SDK1: variants seen among roughly 807,000 people sequenced by gnomAD.
SDK1 encodes sidekick cell adhesion molecule 1, also known as protein sidekick-1.
A neutral mutation model predicts 245.5 loss-of-function variants in SDK1; 157 were observed. The observed-to-expected ratio is 0.64, with a 90% CI of 0.56 to 0.73. The LOEUF (loss-of-function observed/expected upper bound fraction) is 0.73. SDK1 is among the 30% of genes least tolerant of loss of function. SDK1 has a pLI of 0.00. For missense variants in SDK1, 3,583 were observed against 3,002.3 expected, an observed-to-expected ratio of 1.19 and a Z score of -4.52; for synonymous variants, 1,647 against 1,278.5, an observed-to-expected ratio of 1.29 and a Z score of -6.15.
chr7:4,174,643 A>G (rs1782070489), intron 33 of SDK1, among the ~76,000 whole-genome samples: 1 of 152,132 alleles, frequency 6.6e-6, no homozygotes, highest in South Asian at 2.1e-4. Context: ...TACCGGCGTC[A>G]GTGGGGAAGG....
chr7:3,808,415 A>G (rs983282364), intron 4 of SDK1, among the ~76,000 whole-genome samples: 3 of 152,218 alleles, frequency 2.0e-5, no homozygotes, highest in African/African-American at 7.2e-5. Flanking sequence ...GAATGCTGAA[A>G]GGATGCCAGT....
intron 35 of SDK1, among the ~76,000 whole-genome samples, chr7:4,200,640 C>T (rs1380636774): frequency 1.3e-5 from 2 of 152,210 alleles, no homozygotes; most frequent in African/African-American, 2.4e-5. Flanking sequence ...TCCATGGGGC[C>T]TCTCACAACA....
chr7:3,966,450 A>C (rs1166277280), intron 9 of SDK1, among the ~76,000 whole-genome samples: 1 of 152,092 alleles, frequency 6.6e-6, no homozygotes, highest in Non-Finnish European at 1.5e-5. Flanking sequence ...GCCCTCGCTG[A>C]AGCCATCAGG....
At chr7:3,505,685 C>T (rs1782370258) in intron 1 of SDK1, among the ~76,000 whole-genome samples, 3 of 152,098 alleles carry the variant, frequency 2.0e-5, no homozygotes, top group Admixed American at 2.0e-4. Flanking sequence ...ATAAACTCGG[C>T]CCTCTATGTC....
intron 4 of SDK1, among the ~76,000 whole-genome samples, chr7:3,736,760 A>G (rs1251150610): frequency 2.0e-5 from 3 of 152,182 alleles, no homozygotes; most frequent in Non-Finnish European, 4.4e-5. Flanking sequence ...CACATTCATC[A>G]CCTCACATAG....
At chr7:3,408,700 A>C (rs933610876) in intron 1 of SDK1, among the ~76,000 whole-genome samples, 10 of 152,038 alleles carry the variant, frequency 6.6e-5, no homozygotes, top group Admixed American at 2.0e-4. Context: ...TTTATTTTTT[A>C]TATGTTGGAC....
chr7:4,131,704 C>T (rs1184098515), intron 27 of SDK1, among the ~76,000 whole-genome samples: 1 of 152,082 alleles, frequency 6.6e-6, no homozygotes, highest in Non-Finnish European at 1.5e-5. Flanking sequence ...AGTTCCACCA[C>T]ACCTAGCTGC....
chr7:3,326,574 C>T (rs1325410844), intron 1 of SDK1, among the ~76,000 whole-genome samples: 1 of 152,142 alleles, frequency 6.6e-6, no homozygotes, highest in African/African-American at 2.4e-5. Flanking sequence ...CGCCACAGAG[C>T]TGCCCTTTGG....
intron 1 of SDK1, among the ~76,000 whole-genome samples, chr7:3,525,719 A>C (rs766974910): frequency 7.9e-5 from 12 of 152,142 alleles, no homozygotes; most frequent in Non-Finnish European, 1.5e-4. Flanking sequence ...TTTCCAAATG[A>C]CTTCTCCCAA....
chr7:3,812,722 T>C (rs1258558730), intron 4 of SDK1, among the ~76,000 whole-genome samples: 1 of 152,220 alleles, frequency 6.6e-6, no homozygotes, highest in African/African-American at 2.4e-5. Flanking sequence ...ACTGCAGAAG[T>C]ATAACTTACC....
At chr7:3,325,249 T>C (rs1318934266) in intron 1 of SDK1, among the ~76,000 whole-genome samples, 1 of 152,154 alleles carries the variant, frequency 6.6e-6, no homozygotes, top group East Asian at 1.9e-4. Flanking sequence ...TGAGCATTAA[T>C]AGCCTGTTTT....
intron 44 of SDK1, among the ~76,000 whole-genome samples, chr7:4,252,755 G>A (rs1006216820): frequency 1.3e-5 from 2 of 151,518 alleles, no homozygotes; most frequent in Non-Finnish European, 2.9e-5. Flanking sequence ...CTCTGGTCTC[G>A]GGCTTTTGTG....
intron 4 of SDK1, among the ~76,000 whole-genome samples, chr7:3,815,732 G>A (rs1262494406): frequency 1.3e-5 from 2 of 151,784 alleles, no homozygotes; most frequent in African/African-American, 4.9e-5. Context: ...ACTCAGCTGT[G>A]CACCAAGCGG....
intron 4 of SDK1, among the ~76,000 whole-genome samples, chr7:3,767,612 A>G (rs1583393346): frequency 2.0e-5 from 3 of 152,186 alleles, no homozygotes; most frequent in African/African-American, 7.2e-5. Flanking sequence ...TTCTCCCACT[A>G]ATTTTCAGAG....
chr7:3,303,361 C>T (rs1326454034), intron 1 of SDK1, among the ~76,000 whole-genome samples: 3 of 152,078 alleles, frequency 2.0e-5, no homozygotes, highest in Non-Finnish European at 4.4e-5. Context: ...TTGCATTTTG[C>T]ACTAAGACCT....
intron 1 of SDK1, among the ~76,000 whole-genome samples, chr7:3,422,066 G>A (rs961161470): frequency 1.3e-5 from 2 of 151,976 alleles, no homozygotes; most frequent in African/African-American, 2.4e-5. Context: ...AAGATATGAG[G>A]CCTTAATAAC....
At chr7:3,431,920 TC>T (rs1779858180) in intron 1 of SDK1, among the ~76,000 whole-genome samples, 1 of 152,022 alleles carries the variant, frequency 6.6e-6, no homozygotes, top group Admixed American at 6.6e-5. Flanking sequence ...TCCCTAGAAT[TC>T]CTTTAAGACC....
At position 3,804,247 on chromosome 7, in the gene SDK1, G is replaced by C. The variant is rs191595866; in HGVS notation, c.714-17203G>C. Among the ~76,000 whole-genome samples, 588 of 152,122 alleles carry C rather than the reference G, an allele frequency of 3.9e-3. 5 individuals carry two copies. The highest frequency in any genetic ancestry group is 0.014 in the African/African-American group (570 of 41,490). ...ACAAATATATTTATGATGTTTTATGGGTTTATTTTTGTATTCAGTTATATG... is the reference window on the plus strand; with the variant it reads ...ACAAATATATTTATGATGTTTTATGCGTTTATTTTTGTATTCAGTTATATG... On this transcript the variant is annotated intron_variant, in intron 4 of 44. Transcript: ENST00000404826.
In SDK1 at chr7:3,727,180, C is replaced by T. The variant is rs10271348; in HGVS notation, c.713+85075C>T. ...CACTTGCATCATAAATAGGTGTTGG[C>T]AAAAGTATCACTCACTGATTATGTA... On this transcript the variant is annotated intron_variant, in intron 4 of 44. Transcript: ENST00000404826. Among the ~76,000 whole-genome samples, 934 of 152,300 alleles carry T rather than the reference C, an allele frequency of 6.1e-3. 9 individuals are homozygous for T. The highest frequency in any genetic ancestry group is 0.022 in the African/African-American group (898 of 41,550).
Sources: gnomAD v4.1 joint callset for allele counts (sites outside exome capture counted in the v4.1 genomes callset) on GRCh38, gnomAD v4.1.1 for gene constraint, MANE v1.5 for transcripts, NCBI Gene and HGNC (gene_info 2026-07-23, HGNC 2026-07-21) for gene names.